OBI1: variants seen among roughly 807,000 people sequenced by gnomAD.
The protein encoded by OBI1 is ORC ubiquitin ligase 1, also known as ring finger protein 219.
Under a neutral mutation model 62.4 loss-of-function variants are expected in OBI1, and 59 were observed. The observed-to-expected ratio is 0.95, with a 90% CI of 0.77 to 1.17. The LOEUF (loss-of-function observed/expected upper bound fraction) is 1.17, where lower values mean the gene tolerates loss of function less well. OBI1 is among the 50% of genes most tolerant of loss of function. OBI1 has a pLI of 0.00. For missense variants in OBI1, 875 were observed against 830.9 expected (o/e 1.05, Z -0.65); for synonymous variants, 302 against 292.8 (o/e 1.03, Z -0.32).
chr13:78,618,943 C>T (rs1875417544), intron 5 of OBI1, among the ~76,000 whole-genome samples: 1 of 152,130 alleles, frequency 6.6e-6, no homozygotes, highest in Admixed American at 6.5e-5. Flanking sequence ...TTTGTTAGTT[C>T]TTGATTGTAA....
At chr13:78,650,772 T>C (rs1452412897) in intron 1 of OBI1, among the ~76,000 whole-genome samples, 1 of 151,370 alleles carries the variant, frequency 6.6e-6, no homozygotes, top group East Asian at 1.9e-4. Flanking sequence ...AATATTACTA[T>C]ATCCAAGTGC....
chr13:78,617,935 G>A (rs1178659579), intron 5 of OBI1, among the ~76,000 whole-genome samples: 2 of 151,936 alleles, frequency 1.3e-5, no homozygotes, highest in Non-Finnish European at 2.9e-5. Context: ...CTTTTACACC[G>A]GGATTATCTT....
At chr13:78,649,516 G>A (rs1876486078) in intron 1 of OBI1, among the ~76,000 whole-genome samples, 1 of 152,206 alleles carries the variant, frequency 6.6e-6, no homozygotes. Flanking sequence ...ATGGAAACCT[G>A]ACTGGAGGTT....
intron 3 of OBI1, 98 bp from the exon 4 acceptor site, chr13:78,639,169 A>ATTT (rs1876126760): frequency 1.6e-6 from 2 of 1,257,934 alleles, no homozygotes; most frequent in Admixed American, 2.5e-5. Flanking sequence ...TTTGTACTTA[A>ATTT]AATTCTGTAG....
intron 2 of OBI1, among the ~76,000 whole-genome samples, chr13:78,642,501 C>T (rs1266889874): frequency 6.6e-6 from 1 of 152,206 alleles, no homozygotes; most frequent in Non-Finnish European, 1.5e-5. Flanking sequence ...GTAATTATCA[C>T]ATTTGGACTA....
At chr13:78,645,510 C>T (rs764221525) in intron 1 of OBI1, among the ~76,000 whole-genome samples, 3 of 152,182 alleles carry the variant, frequency 2.0e-5, no homozygotes, top group Non-Finnish European at 4.4e-5. Flanking sequence ...GCTAAAACAA[C>T]CCAAAAGGCA....
intron 5 of OBI1, among the ~76,000 whole-genome samples, chr13:78,630,419 T>A (rs1189320388): frequency 6.6e-6 from 1 of 152,172 alleles, no homozygotes; most frequent in African/African-American, 2.4e-5. Flanking sequence ...AAGTATTCTA[T>A]AGTTCATGTT....
intron 5 of OBI1, among the ~76,000 whole-genome samples, 176 bp downstream of exon 5, chr13:78,634,934 A>G (rs1875974263): frequency 6.6e-6 from 1 of 152,238 alleles, no homozygotes; most frequent in Non-Finnish European, 1.5e-5. Context: ...ATTAGCCTTA[A>G]CCGAGACTAA....
At chr13:78,655,488 T>A (rs1342782240) in intron 1 of OBI1, among the ~76,000 whole-genome samples, 1 of 152,132 alleles carries the variant, frequency 6.6e-6, no homozygotes, top group Non-Finnish European at 1.5e-5. Flanking sequence ...GTAGAGAAAA[T>A]TCACCTTTAA....
intron 1 of OBI1, among the ~76,000 whole-genome samples, chr13:78,646,784 T>C (rs554988352): frequency 1.3e-5 from 2 of 152,270 alleles, no homozygotes; most frequent in African/African-American, 4.8e-5. Flanking sequence ...AATTAATAGA[T>C]GCATAGCTAT....
chr13:78,658,877 G>C (rs1197455574), intron 1 of OBI1, among the ~76,000 whole-genome samples, 172 bp downstream of exon 1: 1 of 152,142 alleles, frequency 6.6e-6, no homozygotes, highest in Non-Finnish European at 1.5e-5. Flanking sequence ...ATTAATCACG[G>C]TGCGCTACCC....
Position 78,659,093 on chromosome 13 carries a change from A to T in OBI1, c.28T>A (p.Leu10Met), listed in dbSNP as rs1369543876. MAQTVQNVT[L>M]SLTLPITCHI... ...CACGTGATGGGCAGAGTGAGCGACAATGTAACATTCTGCACGGTCTGAGCC... is the reference window on the plus strand; with the variant it reads ...CACGTGATGGGCAGAGTGAGCGACATTGTAACATTCTGCACGGTCTGAGCC... The change falls in exon 1 of 6, where the codon TTG becomes ATG. Residue 10 changes from leucine to methionine, a missense_variant. Leu to Met is a conservative substitution (Grantham distance 15). Coordinates refer to ENST00000282003, the MANE Select transcript of OBI1 (RefSeq NM_024546.4). 13 of 1,612,582 alleles carry T rather than the reference A, an allele frequency of 8.1e-6. No homozygotes were observed. The highest frequency in any genetic ancestry group is 1.1e-5 in the Non-Finnish European group (13 of 1,179,652).
rs1875316292 is a variant in OBI1, at chr13:78,616,869, C to T, written c.892G>A (p.Ala298Thr). 1 of 1,614,204 alleles carries T rather than the reference C, an allele frequency of 6.2e-7. No individual in the cohort carries two copies. The highest frequency in any genetic ancestry group is 8.5e-7 in the Non-Finnish European group (1 of 1,180,030). Reference protein sequence around the residue: ...DVVSKNQGDSARKQPGSSTSS... With the variant: ...DVVSKNQGDSTRKQPGSSTSS... ...GTGGATGAGCCAGGCTGCTTTCTGG[C>T]ACTATCGCCTTGATTCTTTGACACC... Residue 298 changes from alanine to threonine, a missense_variant, in exon 6 of 6, where the codon GCC becomes ACC. Transcript: ENST00000282003.
At chr13:78,633,143 A>G (rs1875905875) in intron 5 of OBI1, among the ~76,000 whole-genome samples, 1 of 152,208 alleles carries the variant, frequency 6.6e-6, no homozygotes, top group Non-Finnish European at 1.5e-5. Context: ...ATGGACAAGC[A>G]TTACTGTGAC....
intron 4 of OBI1, 126 bp from the exon 5 acceptor site, chr13:78,635,324 C>T (rs1304888713): frequency 1.6e-6 from 1 of 613,818 alleles, no homozygotes; most frequent in Non-Finnish European, 2.9e-6. Flanking sequence ...AGAACATGGC[C>T]TTCAGAAACT....
intron 5 of OBI1, among the ~76,000 whole-genome samples, chr13:78,623,730 T>C (rs1411050129): frequency 2.0e-5 from 3 of 152,210 alleles, no homozygotes; most frequent in Non-Finnish European, 4.4e-5. Context: ...AGGATTCTTG[T>C]GCTATTTATT....
chr13:78,652,949 G>A (rs1876587288), intron 1 of OBI1, among the ~76,000 whole-genome samples: 1 of 152,148 alleles, frequency 6.6e-6, no homozygotes, highest in Non-Finnish European at 1.5e-5. Context: ...ATGGGCCTGA[G>A]GGGGCAGTTC....
At chr13:78,636,728 T>C (rs1385769761) in intron 4 of OBI1, among the ~76,000 whole-genome samples, 1 of 152,210 alleles carries the variant, frequency 6.6e-6, no homozygotes, top group Non-Finnish European at 1.5e-5. Flanking sequence ...TCTGAAGATA[T>C]AAGGAAAGCC....
chr13:78,639,111 C>G (rs1375040234), intron 3 of OBI1, 40 bp from the exon 4 acceptor site: 2 of 1,581,792 alleles, frequency 1.3e-6, no homozygotes, highest in Admixed American at 1.8e-5. Flanking sequence ...GGCATAGACA[C>G]TAAACACATA....
Sources: gnomAD v4.1 joint callset for allele counts (sites outside exome capture counted in the v4.1 genomes callset) on GRCh38, gnomAD v4.1.1 for gene constraint, MANE v1.5 for transcripts, NCBI Gene and HGNC (gene_info 2026-07-23, HGNC 2026-07-21) for gene names.